Variants in PDE1A observed in about 807,000 individuals in gnomAD.
The protein encoded by PDE1A is dual specificity calcium/calmodulin-dependent 3',5'-cyclic nucleotide phosphodiesterase 1A.
A neutral mutation model predicts 61.7 loss-of-function variants in PDE1A; 35 were observed. That is an observed-to-expected ratio of 0.57 (90% CI 0.43 to 0.75). The LOEUF is 0.75. Among genes scored for constraint, PDE1A ranks in the 30% least tolerant of loss-of-function variants. PDE1A has a pLI of 0.00. For missense variants in PDE1A, 597 were observed against 630.6 expected (o/e 0.95, Z 0.57); for synonymous variants, 232 against 213.2 (o/e 1.09, Z -0.77).
chr2:182,181,876 G>GA (rs1323638984), intron 13 of PDE1A, among the ~76,000 whole-genome samples: 2 of 152,120 alleles, frequency 1.3e-5, no homozygotes, highest in Non-Finnish European at 2.9e-5. Context: ...ACTGTCAGGG[G>GA]AAAACCGCCT....
the PDE1A span, among the ~76,000 whole-genome samples, chr2:182,619,928 A>C: frequency 6.6e-6 from 1 of 152,178 alleles, no homozygotes; most frequent in Admixed American, 6.5e-5. Context: ...GGGGAGCAAG[A>C]GAGAACTCAC....
rs554008793 is a variant in PDE1A, at chr2:182,461,298, A to G, written c.101+60978T>C. Among the ~76,000 whole-genome samples, 41 of 152,312 alleles carry G rather than the reference A, an allele frequency of 2.7e-4. 1 individual carries two copies. The highest frequency in any genetic ancestry group is 9.9e-4 in the African/African-American group (41 of 41,572). On this transcript the variant is annotated intron_variant, in intron 2 of 14. Transcript: ENST00000410103. ...AATAATATATTGTACAGCCATTAAA[A>G]AAAATTTGAATACTGTCAACTAAAT...
At chr2:182,411,951 G>T (rs1307346730) in intron 1 of PDE1A, among the ~76,000 whole-genome samples, 1 of 151,938 alleles carries the variant, frequency 6.6e-6, no homozygotes, top group African/African-American at 2.4e-5. Flanking sequence ...CCAGCTACTC[G>T]GGAGGCTGAG....
At chr2:182,598,342 C>T in the PDE1A span, among the ~76,000 whole-genome samples, 1 of 152,056 alleles carries the variant, frequency 6.6e-6, no homozygotes, top group African/African-American at 2.4e-5. Context: ...GAGGCCGAGG[C>T]GGAGGGATCA....
chr2:182,314,884 G>A (rs941447178), intron 1 of PDE1A, among the ~76,000 whole-genome samples: 1 of 152,126 alleles, frequency 6.6e-6, no homozygotes. Context: ...AAACCTTGGG[G>A]AAAATTATAT....
In PDE1A at chr2:182,455,817, TA is replaced by T. The variant is rs1386385495; in HGVS notation, c.101+66458del. On this transcript the variant is annotated intron_variant, in intron 2 of 14. Coordinates refer to the PDE1A transcript ENST00000410103. The stretch of plus-strand genomic sequence containing the variant: ...ATATACCTAATGCTAAATGACGAGT[TA>T]ATGGGTGCAGCACACCAACATGGCA... Among the ~76,000 whole-genome samples the T allele has an allele frequency of 5.9e-5, 9 of 151,808 alleles. No individual in the cohort carries two copies. The East Asian group carries it at 1.8e-3, about 30-fold the overall frequency.
At chr2:182,606,790 AG>A in the PDE1A span, among the ~76,000 whole-genome samples, 1 of 152,208 alleles carries the variant, frequency 6.6e-6, no homozygotes, top group Admixed American at 6.5e-5. Context: ...ATGGCACTGA[AG>A]GAATGGAAGG....
chr2:182,533,435 C>G, the PDE1A span, among the ~76,000 whole-genome samples: 2 of 152,042 alleles, frequency 1.3e-5, no homozygotes, highest in Non-Finnish European at 2.9e-5. Context: ...TGATAATCTT[C>G]TGAATCTTAG....
intron 7 of PDE1A, among the ~76,000 whole-genome samples, chr2:182,222,398 G>C (rs1688803196): frequency 6.6e-6 from 1 of 151,994 alleles, no homozygotes; most frequent in African/African-American, 2.4e-5. Context: ...GGCAGGAAGA[G>C]AGGAATGATA....
intron 2 of PDE1A, among the ~76,000 whole-genome samples, chr2:182,466,050 G>T (rs1686639933): frequency 6.6e-6 from 1 of 152,064 alleles, no homozygotes; most frequent in South Asian, 2.1e-4. Context: ...TTGTGTGTGT[G>T]TGTGTGTAAC....
chr2:182,426,025 C>T (rs537110727), intron 1 of PDE1A, among the ~76,000 whole-genome samples: 2 of 152,318 alleles, frequency 1.3e-5, no homozygotes, highest in South Asian at 4.1e-4. Flanking sequence ...ACTGTATCTA[C>T]ATTTTGCCTG....
rs965646078 is a variant in PDE1A, at chr2:182,487,012, A to G, written c.101+35264T>C. Among the ~76,000 whole-genome samples the G allele has an allele frequency of 2.6e-5, 4 of 152,186 alleles. No individual in the cohort carries two copies. The East Asian group carries it at 7.7e-4, about 29-fold the overall frequency. ...ATAAACTGAGAAAAAATATTTGTAAATCATCTATTGGACAAAGCACTTGTG... is the reference window on the plus strand; with the variant it reads ...ATAAACTGAGAAAAAATATTTGTAAGTCATCTATTGGACAAAGCACTTGTG... On this transcript the variant is annotated intron_variant, in intron 2 of 14. Coordinates refer to the PDE1A transcript ENST00000410103.
At chr2:182,240,237 A>T in exon 3 of PDE1A, 1 of 1,613,294 alleles carries the variant, frequency 6.2e-7, no homozygotes, top group Non-Finnish European at 8.5e-7. Flanking sequence ...CGGACTTCAG[A>T]TGGGACTGAG....
intron 2 of PDE1A, among the ~76,000 whole-genome samples, chr2:182,244,308 C>CT (rs1221538049): frequency 2.6e-5 from 4 of 151,780 alleles, no homozygotes; most frequent in African/African-American, 9.7e-5. Flanking sequence ...TTCCACTAAA[C>CT]TTTTTTTGAA....
chr2:182,343,809 A>G (rs541348878), intron 1 of PDE1A, among the ~76,000 whole-genome samples: 1 of 152,260 alleles, frequency 6.6e-6, no homozygotes, highest in Admixed American at 6.5e-5. Flanking sequence ...ATCTCTGTCA[A>G]GAATATCCAA....
At chr2:182,657,032 A>G in the PDE1A span, among the ~76,000 whole-genome samples, 4,233 of 152,224 alleles carry the variant, frequency 0.028, 119 homozygotes, top group South Asian at 0.077. Context: ...AGACCATCCT[A>G]GCCAACATGG....
At chr2:182,306,373 T>C (rs62190530) in intron 1 of PDE1A, among the ~76,000 whole-genome samples, 50,953 of 152,036 alleles carry the variant, frequency 0.34, 10,449 homozygotes, top group Non-Finnish European at 0.47. Flanking sequence ...CTGGATTCTA[T>C]TGTAATTCTA....
upstream of PDE1A, among the ~76,000 whole-genome samples, chr2:182,524,703 T>C (rs1161801383): frequency 2.0e-5 from 3 of 152,106 alleles, no homozygotes; most frequent in East Asian, 3.8e-4. Context: ...TCTGTTAACA[T>C]AGAGAATTCA....
At chr2:182,560,414 T>C in the PDE1A span, among the ~76,000 whole-genome samples, 1 of 151,538 alleles carries the variant, frequency 6.6e-6, no homozygotes, top group African/African-American at 2.4e-5. Flanking sequence ...TATGGCTGCA[T>C]AGTATTCCAT....
Sources: allele counts gnomAD v4.1 joint callset (sites outside exome capture counted in the v4.1 genomes callset), GRCh38; gene constraint gnomAD v4.1.1; transcripts MANE v1.5; gene names NCBI Gene and HGNC (gene_info 2026-07-23, HGNC 2026-07-21).